CYP46A1: variants seen among roughly 807,000 people sequenced by gnomAD.
CYP46A1 encodes cholesterol 24-hydroxylase.
In CYP46A1, 20 loss-of-function variants were observed where a neutral mutation model predicts 63.3. That is an observed-to-expected ratio of 0.32 (90% CI 0.22 to 0.46). The LOEUF (loss-of-function observed/expected upper bound fraction) is 0.46, where lower values mean the gene tolerates loss of function less well. CYP46A1 is among the 20% of genes least tolerant of loss of function. CYP46A1 has a pLI of 1.00. For synonymous variants in CYP46A1, 268 were observed against 273.6 expected, an observed-to-expected ratio of 0.98 and a Z score of 0.20; for missense variants, 445 against 670.8, an observed-to-expected ratio of 0.66 and a Z score of 3.72.
chr14:99,718,848 G>A (rs1433623757), intron 10 of CYP46A1, among the ~76,000 whole-genome samples: 1 of 152,080 alleles, frequency 6.6e-6, no homozygotes, highest in East Asian at 1.9e-4. Context: ...AAGTATAATT[G>A]TAATAAGCAT....
intron 3 of CYP46A1, among the ~76,000 whole-genome samples, chr14:99,696,616 T>C (rs2056589297): frequency 6.6e-6 from 1 of 152,256 alleles, no homozygotes; most frequent in Non-Finnish European, 1.5e-5. Flanking sequence ...TGTACTTTTC[T>C]TTGTTAATTC....
chr14:99,713,939 C>G (rs1045561943), intron 7 of CYP46A1, among the ~76,000 whole-genome samples: 1 of 150,588 alleles, frequency 6.6e-6, no homozygotes, highest in Non-Finnish European at 1.5e-5. Flanking sequence ...AAAGGTTCCG[C>G]ACAGCAAAAG....
At chr14:99,726,366 G>GCTGTGGA in intron 14 of CYP46A1, 110 bp downstream of exon 14, 1 of 1,315,218 alleles carries the variant, frequency 7.6e-7, no homozygotes, top group Non-Finnish European at 1.0e-6. Context: ...TGGGCTGTGG[G>GCTGTGGA]CTCGGGACCC....
At position 99,716,191 on chromosome 14, in the gene CYP46A1, T is replaced by C; in HGVS notation, c.899T>C (p.Phe300Ser). ...EGLLDNFVTF[F>S]IAGHETSANH... ...CTGCTGGACAACTTCGTCACCTTCT[T>C]CATTGCTGGTTTGTAGCTTTGGCGG... Residue 300 changes from phenylalanine to serine, a missense_variant, in exon 9 of 15, where the codon TTC becomes TCC. Phe to Ser is a radical substitution (Grantham distance 155). Around this residue, in one of 4 missense-constraint regions of CYP46A1, gnomAD observed 13 missense variants for 50.5 expected, o/e 0.26. Transcript: ENST00000261835. The C allele has an allele frequency of 6.2e-7, 1 of 1,614,230 alleles. No homozygotes were observed. Among genetic ancestry groups the C allele is most frequent in the Non-Finnish European group, 8.5e-7 (1 of 1,180,030 alleles).
chr14:99,703,757 T>A, intron 5 of CYP46A1: 1 of 950,800 alleles, frequency 1.1e-6, no homozygotes, highest in Non-Finnish European at 1.3e-6. Flanking sequence ...ACGCACCCTG[T>A]CCCTGAGTCC....
chr14:99,716,033 T>C, intron 8 of CYP46A1, 73 bp downstream of exon 8: 1 of 1,607,706 alleles, frequency 6.2e-7, no homozygotes, highest in South Asian at 1.1e-5. Flanking sequence ...ACATCGCCAC[T>C]GACTCTGTTT....
intron 10 of CYP46A1, among the ~76,000 whole-genome samples, chr14:99,720,029 TG>T (rs2056830997): frequency 6.6e-6 from 1 of 151,988 alleles, no homozygotes; most frequent in Admixed American, 6.6e-5. Flanking sequence ...CCCAAAGTGC[TG>T]GGATTACAGG....
chr14:99,717,069 G>A lies in CYP46A1; in HGVS notation c.907+870G>A, dbSNP rs933688578. Among the ~76,000 whole-genome samples, 6 of 152,266 alleles carry A rather than the reference G, an allele frequency of 3.9e-5. No homozygotes were observed. In the East Asian group the frequency reaches 9.7e-4, roughly 25 times the overall value. On this transcript the variant is annotated intron_variant, in intron 9 of 14. Coordinates refer to ENST00000261835, the MANE Select transcript of CYP46A1 (RefSeq NM_006668.2). ...CAGTGTTAAAGCAAGGCTGCAGGGC[G>A]CCATTCCCTGCAATGGATAGAAAGG...
intron 3 of CYP46A1, 85 bp from the exon 4 acceptor site, chr14:99,699,381 T>C: frequency 7.7e-7 from 1 of 1,291,222 alleles, no homozygotes; most frequent in Non-Finnish European, 1.1e-6. Flanking sequence ...CAGCCAATGG[T>C]GATTATTTGG....
Position 99,724,623 on chromosome 14 carries a change from G to C in CYP46A1, c.1177-768G>C, listed in dbSNP as rs186490766. Among the ~76,000 whole-genome samples, 768 of 150,100 alleles carry C rather than the reference G, an allele frequency of 5.1e-3. 3 individuals are homozygous for C. Among genetic ancestry groups the C allele is most frequent in the Non-Finnish European group, 6.4e-3 (435 of 67,964 alleles). ...GCCTTCGGCTTCCTCTTTGTTAGGT[G>C]GGGGGAGTGGTGAGCATCAGTAGGA... On this transcript the variant is annotated intron_variant, in intron 12 of 14. Transcript: ENST00000261835.
chr14:99,707,753 TGA>T, intron 7 of CYP46A1, 75 bp downstream of exon 7: 1 of 1,229,442 alleles, frequency 8.1e-7, no homozygotes, highest in Non-Finnish European at 1.1e-6. Context: ...CCTCCTTCAG[TGA>T]TTTTTTTTTT....
chr14:99,688,855 G>C (rs144377236), intron 1 of CYP46A1, among the ~76,000 whole-genome samples: 1 of 151,930 alleles, frequency 6.6e-6, no homozygotes, highest in Non-Finnish European at 1.5e-5. Flanking sequence ...CTGGATCCTC[G>C]TCTGACCTGG....
At chr14:99,691,245 C>T in intron 2 of CYP46A1, 84 bp downstream of exon 2, 1 of 1,335,212 alleles carries the variant, frequency 7.5e-7, no homozygotes, top group Non-Finnish European at 1.1e-6. Context: ...CACAGACTCC[C>T]AGCCTCACCT....
intron 11 of CYP46A1, 37 bp from the exon 12 acceptor site, chr14:99,721,919 C>T (rs367668433): frequency 3.4e-5 from 53 of 1,560,760 alleles, no homozygotes; most frequent in Middle Eastern, 3.4e-4. Context: ...TGGCCTCTCC[C>T]GACTCTCCTT....
intron 3 of CYP46A1, among the ~76,000 whole-genome samples, chr14:99,693,997 C>T (rs889431138): frequency 2.6e-5 from 4 of 152,180 alleles, no homozygotes; most frequent in African/African-American, 9.7e-5. Context: ...CCCCTCCCCC[C>T]AGACCCTGGA....
At position 99,706,806 on chromosome 14, in the gene CYP46A1, ATGGG is replaced by A. The variant is rs919863331; in HGVS notation, c.582+22_582+25del. 4.3e-6 allele frequency: 7 copies of A among 1,610,130 alleles called. No homozygotes were observed. The African/African-American group carries it at 8.0e-5, about 18-fold the overall frequency. ...CCAAGGTGATGGGTGACAGTCGGGC[ATGGG>A]GGCCAGGAGGGCCACATGGGGTAGA... On this transcript the variant is annotated intron_variant, in intron 6 of 14. Transcript: ENST00000261835.
rs1194670132 is a variant in CYP46A1, at chr14:99,722,676, T to TGTGTGTGC, written c.1176+613_1176+614insTGTGCGTG. The stretch of plus-strand genomic sequence containing the variant: ...GTGTGTGTGTGTGTGTGTGTGTGTG[T>TGTGTGTGC]GTGCCTGTGTGCATTCACGCAGTAA... On this transcript the variant is annotated intron_variant, in intron 12 of 14. Transcript: ENST00000261835. The surrounding 1 kb of genome is among the most constrained non-coding windows in gnomAD (Gnocchi z 4.6). Among the ~76,000 whole-genome samples the TGTGTGTGC allele has an allele frequency of 6.7e-6, 1 of 149,918 alleles. No individual in the cohort carries two copies. Among genetic ancestry groups the TGTGTGTGC allele is most frequent in the Non-Finnish European group, 1.5e-5 (1 of 67,622 alleles).
At chr14:99,724,172 A>G (rs2056873966) in intron 12 of CYP46A1, among the ~76,000 whole-genome samples, 1 of 152,232 alleles carries the variant, frequency 6.6e-6, no homozygotes, top group Non-Finnish European at 1.5e-5. Flanking sequence ...ACCTCGTTAA[A>G]GACCTTGTCT....
At chr14:99,685,536 G>A (rs549331818) in intron 1 of CYP46A1, among the ~76,000 whole-genome samples, 9 of 152,036 alleles carry the variant, frequency 5.9e-5, no homozygotes, top group South Asian at 2.1e-4. Context: ...TGTGAGCCCC[G>A]GGAGGACAGG....
Sources: gnomAD v4.1 joint callset for allele counts (sites outside exome capture counted in the v4.1 genomes callset) on GRCh38, gnomAD v4.1.1 for gene constraint, gnomAD v4.1.1 regional missense constraint, Gnocchi (gnomAD v3.1) non-coding constraint, MANE v1.5 for transcripts, NCBI Gene and HGNC (gene_info 2026-07-23, HGNC 2026-07-21) for gene names.